Variants in LRFN5 observed in about 807,000 individuals in gnomAD.
LRFN5 encodes leucine-rich repeat and fibronectin type-III domain-containing protein 5.
LRFN5 carries 24 observed loss-of-function variants against 45.6 expected under a neutral mutation model. The observed-to-expected ratio is 0.53, with a 90% CI of 0.38 to 0.74. The LOEUF is 0.74. Among genes scored for constraint, LRFN5 ranks in the 30% least tolerant of loss-of-function variants. The probability of loss-of-function intolerance (pLI) is 0.00; values close to 1 mark genes in which losing one functional copy is unlikely to be tolerated. For missense variants in LRFN5, 776 were observed against 861.5 expected (o/e 0.90, Z 1.24); for synonymous variants, 340 against 313.8 (o/e 1.08, Z -0.88).
At chr14:41,663,455 A>G (rs558345828) in intron 1 of LRFN5, among the ~76,000 whole-genome samples, 2 of 152,208 alleles carry the variant, frequency 1.3e-5, no homozygotes, top group African/African-American at 4.8e-5. Context: ...TGGTGTTTAC[A>G]GGGAAGTAAG....
At position 41,710,489 on chromosome 14, in the gene LRFN5, T is replaced by C. The variant is rs573445133; in HGVS notation, c.-196-56365T>C. On this transcript the variant is annotated intron_variant, in intron 1 of 5. Coordinates refer to ENST00000298119, the MANE Select transcript of LRFN5 (RefSeq NM_152447.5). ...AATGTAGGTGTGTTTTTTGTTAATG[T>C]AGAGTAACAGCATAAGATACTGTTT... 5.3e-5 allele frequency among the ~76,000 whole-genome samples: 8 copies of C among 152,268 alleles called. No individual in the cohort carries two copies. In the South Asian group the frequency reaches 1.7e-3, roughly 32 times the overall value.
At chr14:41,777,116 A>T (rs546677141) in intron 2 of LRFN5, among the ~76,000 whole-genome samples, 1 of 151,988 alleles carries the variant, frequency 6.6e-6, no homozygotes, top group Admixed American at 6.5e-5. Flanking sequence ...ATATGTCTCA[A>T]TAGATTGTGG....
At chr14:41,694,800 T>C (rs921996517) in intron 1 of LRFN5, among the ~76,000 whole-genome samples, 1 of 151,988 alleles carries the variant, frequency 6.6e-6, no homozygotes, top group Non-Finnish European at 1.5e-5. Flanking sequence ...GGTGTTACTA[T>C]GTAATTATTT....
intron 1 of LRFN5, among the ~76,000 whole-genome samples, chr14:41,667,262 T>G (rs2138649845): frequency 6.6e-6 from 1 of 152,308 alleles, no homozygotes; most frequent in Admixed American, 6.5e-5. Flanking sequence ...CCTGAATTTC[T>G]CATGGGTATT....
intron 2 of LRFN5, among the ~76,000 whole-genome samples, chr14:41,817,468 C>T (rs1887961367): frequency 6.6e-6 from 1 of 152,042 alleles, no homozygotes; most frequent in Non-Finnish European, 1.5e-5. Context: ...CTGTATTTTA[C>T]GAGCTTGTAC....
intron 2 of LRFN5, among the ~76,000 whole-genome samples, chr14:41,872,250 A>T (rs1185453307): frequency 1.3e-5 from 2 of 152,330 alleles, no homozygotes; most frequent in African/African-American, 4.8e-5. Flanking sequence ...ACTAATGTGG[A>T]TGATTTACTA....
At chr14:41,756,776 C>T (rs146216982) in intron 1 of LRFN5, among the ~76,000 whole-genome samples, 1 of 152,314 alleles carries the variant, frequency 6.6e-6, no homozygotes, top group African/African-American at 2.4e-5. Context: ...CATTCTCCGT[C>T]CAGCTTTGTT....
chr14:41,806,869 C>G (rs1055081486), intron 2 of LRFN5, among the ~76,000 whole-genome samples: 3 of 152,234 alleles, frequency 2.0e-5, no homozygotes, highest in Admixed American at 1.3e-4. Context: ...TTTATGGAGA[C>G]TAAACCTTTA....
chr14:41,828,230 ACTT>A (rs1033921005), intron 2 of LRFN5, among the ~76,000 whole-genome samples: 5 of 152,152 alleles, frequency 3.3e-5, no homozygotes, highest in East Asian at 3.9e-4. Context: ...TCTAAATACA[ACTT>A]CTTCTTAAGT....
At chr14:41,732,609 A>G (rs2138797048) in intron 1 of LRFN5, among the ~76,000 whole-genome samples, 1 of 152,240 alleles carries the variant, frequency 6.6e-6, no homozygotes, top group East Asian at 1.9e-4. Flanking sequence ...AAAAATGAAA[A>G]CAAGAACAAA....
intron 2 of LRFN5, among the ~76,000 whole-genome samples, chr14:41,775,087 C>CTTTTTCTTT (rs1886230365): frequency 1.6e-5 from 1 of 60,904 alleles, no homozygotes; most frequent in Non-Finnish European, 3.0e-5. Context: ...GCTACTTTTT[C>CTTTTTCTTT]TTTTTCTTTT....
Position 41,752,335 on chromosome 14 carries a change from G to T in LRFN5, c.-196-14519G>T, listed in dbSNP as rs543663089. On this transcript the variant is annotated intron_variant, in intron 1 of 5. Transcript: ENST00000298119. ...TCTAGTTCTAGATCCCTGAGGAATC[G>T]CCACACTGACTTCCACAATGGTTGA... Among the ~76,000 whole-genome samples the T allele has an allele frequency of 2.2e-3, 338 of 152,212 alleles. 3 individuals are homozygous for T. The highest frequency in any genetic ancestry group is 4.1e-3 in the Non-Finnish European group (279 of 68,018).
intron 1 of LRFN5, among the ~76,000 whole-genome samples, chr14:41,635,209 A>G (rs981779507): frequency 4.6e-5 from 7 of 152,284 alleles, no homozygotes; most frequent in African/African-American, 1.4e-4. Context: ...TTAAGAAACC[A>G]TGCTGAATTC....
intron 1 of LRFN5, among the ~76,000 whole-genome samples, chr14:41,756,777 C>G (rs1885407007): frequency 6.6e-6 from 1 of 152,182 alleles, no homozygotes; most frequent in Non-Finnish European, 1.5e-5. Context: ...ATTCTCCGTC[C>G]AGCTTTGTTC....
At chr14:41,679,684 A>G (rs763389673) in intron 1 of LRFN5, among the ~76,000 whole-genome samples, 1 of 152,142 alleles carries the variant, frequency 6.6e-6, no homozygotes, top group African/African-American at 2.4e-5. Flanking sequence ...GCACATTCCC[A>G]GCGGTGGTAG....
At chr14:41,807,804 A>G (rs1243888774) in intron 2 of LRFN5, among the ~76,000 whole-genome samples, 2 of 151,890 alleles carry the variant, frequency 1.3e-5, no homozygotes, top group African/African-American at 4.8e-5. Flanking sequence ...ATGAGCCCCC[A>G]CCCCTTTTAT....
intron 2 of LRFN5, among the ~76,000 whole-genome samples, chr14:41,849,421 A>G (rs1463201057): frequency 6.6e-5 from 10 of 151,610 alleles, no homozygotes; most frequent in African/African-American, 2.2e-4. Flanking sequence ...ATAAGGTAGC[A>G]TCAGATTTTC....
intron 1 of LRFN5, among the ~76,000 whole-genome samples, 197 bp from the exon 2 acceptor site, chr14:41,766,657 T>C (rs1678574066): frequency 1.3e-5 from 2 of 152,242 alleles, no homozygotes; most frequent in Non-Finnish European, 2.9e-5. Context: ...AGGAGAATGC[T>C]AATATATTTA....
intron 1 of LRFN5, among the ~76,000 whole-genome samples, chr14:41,654,866 A>C (rs886978605): frequency 1.4e-4 from 21 of 152,072 alleles, no homozygotes; most frequent in African/African-American, 5.1e-4. Context: ...AATTATTTTT[A>C]GAGAGATACC....
Sources: allele counts gnomAD v4.1 joint callset (sites outside exome capture counted in the v4.1 genomes callset), GRCh38; gene constraint gnomAD v4.1.1; transcripts MANE v1.5; gene names NCBI Gene and HGNC (gene_info 2026-07-23, HGNC 2026-07-21).